The following SAMMSON variants were observed in gnomAD, a reference collection of about 807,000 sequenced individuals.
The protein encoded by SAMMSON is survival associated mitochondrial melanoma specific oncogenic non-coding RNA.
Position 70,171,597 on chromosome 3 carries a change from C to T in SAMMSON, n.508-77510C>T, listed in dbSNP as rs908533051. Among the ~76,000 whole-genome samples the T allele has an allele frequency of 2.2e-5, 3 of 133,546 alleles. No homozygotes were observed. In the Admixed American group the frequency reaches 2.3e-4, roughly 10 times the overall value. 87.6% of individuals were successfully genotyped at this position (133,546 alleles called of 152,430 possible). On this transcript the variant is annotated intron_variant and non_coding_transcript_variant, in intron 4 of 9. Transcript: ENST00000642114. ...ATGAAAAAAATGGACATTGATGTAA[C>T]TTAAAAGGCACAGTCTTTGGGGGGG...
intron 4 of SAMMSON, among the ~76,000 whole-genome samples, chr3:70,147,073 T>C (rs1047187514): frequency 3.9e-5 from 6 of 152,090 alleles, no homozygotes; most frequent in Middle Eastern, 3.4e-3. Context: ...TTATGATAGC[T>C]GCTGCAAAAT....
chr3:70,077,411 T>C (rs1459469937), intron 4 of SAMMSON, among the ~76,000 whole-genome samples: 1 of 152,178 alleles, frequency 6.6e-6, no homozygotes, highest in Non-Finnish European at 1.5e-5. Flanking sequence ...TATATGTTTT[T>C]TGAAGCAAGG....
chr3:70,215,111 G>A (rs979236149), intron 4 of SAMMSON, among the ~76,000 whole-genome samples: 3 of 151,912 alleles, frequency 2.0e-5, no homozygotes, highest in African/African-American at 4.8e-5. Context: ...TTATTCATCC[G>A]AACTATTTGA....
chr3:70,321,925 T>A (rs1702542056), intron 7 of SAMMSON, among the ~76,000 whole-genome samples: 1 of 152,066 alleles, frequency 6.6e-6, no homozygotes, highest in South Asian at 2.1e-4. Flanking sequence ...CGTGAAGTAT[T>A]ACTTTGTTAA....
At chr3:70,124,386 C>G (rs902802040) in intron 4 of SAMMSON, among the ~76,000 whole-genome samples, 1 of 152,096 alleles carries the variant, frequency 6.6e-6, no homozygotes, top group Non-Finnish European at 1.5e-5. Flanking sequence ...GGGAGAAATG[C>G]GTATTTTTAA....
chr3:70,230,751 C>G (rs940631285), intron 4 of SAMMSON, among the ~76,000 whole-genome samples: 9 of 152,172 alleles, frequency 5.9e-5, no homozygotes, highest in African/African-American at 2.2e-4. Context: ...CATGCCTTCA[C>G]CCTCCTTGAG....
chr3:70,423,247 A>G (rs946039135), intron 2 of SAMMSON, among the ~76,000 whole-genome samples: 9 of 152,118 alleles, frequency 5.9e-5, no homozygotes, highest in Non-Finnish European at 1.2e-4. Context: ...TTACAAGTAT[A>G]TTTTGTATTC....
At chr3:70,084,557 C>A (rs539582894) in intron 4 of SAMMSON, among the ~76,000 whole-genome samples, 21 of 152,218 alleles carry the variant, frequency 1.4e-4, no homozygotes, top group African/African-American at 5.1e-4. Flanking sequence ...GGGGTACAGG[C>A]CCCTTGCCTT....
At chr3:70,052,010 A>G (rs1209962414) in intron 3 of SAMMSON, among the ~76,000 whole-genome samples, 3 of 152,054 alleles carry the variant, frequency 2.0e-5, no homozygotes, top group Non-Finnish European at 2.9e-5. Flanking sequence ...AGGTGAGAGG[A>G]TCATTTGAGC....
chr3:70,246,470 A>G (rs1023694949), intron 4 of SAMMSON, among the ~76,000 whole-genome samples: 8 of 152,090 alleles, frequency 5.3e-5, no homozygotes, highest in South Asian at 2.1e-4. Flanking sequence ...GGGGAGTTTG[A>G]TCATTGGATG....
intron 4 of SAMMSON, among the ~76,000 whole-genome samples, chr3:70,189,233 A>T (rs1701113380): frequency 6.6e-6 from 1 of 152,026 alleles, no homozygotes; most frequent in Non-Finnish European, 1.5e-5. Context: ...TTTTGCATAG[A>T]TGGTATTAGT....
At chr3:70,382,642 A>G (rs1441979797) in intron 9 of SAMMSON, among the ~76,000 whole-genome samples, 3 of 152,114 alleles carry the variant, frequency 2.0e-5, no homozygotes, top group Admixed American at 6.6e-5. Flanking sequence ...AATTCTGTAC[A>G]CTAGTAAGCT....
intron 3 of SAMMSON, among the ~76,000 whole-genome samples, chr3:70,019,662 A>T (rs973544234): frequency 6.6e-6 from 1 of 152,164 alleles, no homozygotes; most frequent in African/African-American, 2.4e-5. Context: ...CAGTTGATGC[A>T]GTTTCTTCCT....
intron 6 of SAMMSON, among the ~76,000 whole-genome samples, chr3:70,287,064 A>T (rs1366027819): frequency 6.3e-5 from 9 of 143,520 alleles, no homozygotes; most frequent in Non-Finnish European, 1.4e-4. Flanking sequence ...TCTCCTGCCT[A>T]ATTGCCCTGG....
intron 7 of SAMMSON, among the ~76,000 whole-genome samples, chr3:70,297,157 A>G (rs1458340116): frequency 6.6e-6 from 1 of 152,136 alleles, no homozygotes; most frequent in Admixed American, 6.6e-5. Context: ...TATGCACAGT[A>G]CACTGCTTGT....
At chr3:70,194,322 C>T (rs1457112314) in intron 4 of SAMMSON, among the ~76,000 whole-genome samples, 1 of 152,160 alleles carries the variant, frequency 6.6e-6, no homozygotes, top group Non-Finnish European at 1.5e-5. Flanking sequence ...TAATCACAGG[C>T]CTTCATCATT....
At chr3:70,126,214 ATTCT>A (rs1397793768) in intron 4 of SAMMSON, 4 of 1,084,298 alleles carry the variant, frequency 3.7e-6, no homozygotes, top group Non-Finnish European at 5.4e-6. Context: ...TAAATAACCA[ATTCT>A]TTCTTTTCTT....
intron 7 of SAMMSON, among the ~76,000 whole-genome samples, chr3:70,293,386 G>T (rs1459342786): frequency 1.3e-5 from 2 of 152,232 alleles, no homozygotes; most frequent in Admixed American, 1.3e-4. Context: ...TAACTAATTT[G>T]GGGATGAGAG....
At chr3:70,187,945 C>A (rs1701104418) in intron 4 of SAMMSON, among the ~76,000 whole-genome samples, 1 of 152,130 alleles carries the variant, frequency 6.6e-6, no homozygotes, top group Non-Finnish European at 1.5e-5. Context: ...GGCCATGTAG[C>A]AAGCTCTCTG....
Sources: gnomAD v4.1 joint callset for allele counts (sites outside exome capture counted in the v4.1 genomes callset) on GRCh38, gnomAD v4.1.1 for gene constraint, MANE v1.5 for transcripts, NCBI Gene and HGNC (gene_info 2026-07-23, HGNC 2026-07-21) for gene names.